JPH3: variants seen among roughly 807,000 people sequenced by gnomAD.
The protein encoded by JPH3 is junctophilin 3.
JPH3 carries 11 observed loss-of-function variants against 59.6 expected under a neutral mutation model. The ratio of observed to expected loss-of-function variants is 0.18; its 90% CI spans 0.12 to 0.31. JPH3 has a LOEUF of 0.31. JPH3 is among the 10% of genes least tolerant of loss of function. The pLI, the probability that JPH3 is intolerant of heterozygous loss-of-function variation, is 1.00. For missense variants in JPH3, 1,202 were observed against 1,105.7 expected (o/e 1.09, Z -1.24); for synonymous variants, 673 against 483.6 (o/e 1.39, Z -5.14).
At chr16:87,696,318 C>T (rs541639569) in intron 4 of JPH3, among the ~76,000 whole-genome samples, 89 of 152,074 alleles carry the variant, frequency 5.9e-4, no homozygotes, top group African/African-American at 2.0e-3. Context: ...CTCAGGGTGT[C>T]GGGGCCACAA....
chr16:87,618,806 C>G (rs1482269238), intron 1 of JPH3, among the ~76,000 whole-genome samples: 2 of 152,078 alleles, frequency 1.3e-5, no homozygotes, highest in African/African-American at 4.8e-5. Flanking sequence ...TGGGTTATTT[C>G]AGGCCGGGCG....
At chr16:87,653,692 C>A (rs1297699255) in intron 2 of JPH3, 2 of 152,166 alleles carry the variant, frequency 1.3e-5, no homozygotes, top group African/African-American at 4.8e-5. Flanking sequence ...CTTAGTGTCC[C>A]CCTAAAGTTC....
At chr16:87,627,882 G>T (rs1165593075) in intron 1 of JPH3, among the ~76,000 whole-genome samples, 2 of 152,218 alleles carry the variant, frequency 1.3e-5, no homozygotes, top group African/African-American at 4.8e-5. Context: ...GCACCCTGCA[G>T]GCCACCCCGC....
In JPH3 at chr16:87,644,617, G is replaced by A; in HGVS notation, c.742G>A (p.Ala248Thr). 1 of 1,612,522 alleles carries A rather than the reference G, an allele frequency of 6.2e-7. No homozygotes were observed. Among genetic ancestry groups the A allele is most frequent in the Non-Finnish European group, 8.5e-7 (1 of 1,179,890 alleles). ...RSKQSSFRSE[A>T]GMSTVSSTAS... is the part of the protein sequence containing the mutation. Reference sequence around the variant, plus strand: ...CAAGCAGAGCTCCTTTCGCAGCGAGGCGGGCATGAGCACCGTCAGCTCCAC... The same window carrying A: ...CAAGCAGAGCTCCTTTCGCAGCGAGACGGGCATGAGCACCGTCAGCTCCAC... The change falls in exon 2 of 5, where the codon GCG becomes ACG. Residue 248 changes from alanine to threonine, a missense_variant. Transcript: ENST00000284262.
chr16:87,688,157 AC>A (rs1437143958), intron 3 of JPH3, among the ~76,000 whole-genome samples: 1 of 151,918 alleles, frequency 6.6e-6, no homozygotes, highest in Non-Finnish European at 1.5e-5. Flanking sequence ...CTGGGGAGTG[AC>A]CACAGAGAAG....
intron 2 of JPH3, among the ~76,000 whole-genome samples, chr16:87,666,562 T>G (rs2032867683): frequency 6.6e-6 from 1 of 152,088 alleles, no homozygotes; most frequent in African/African-American, 2.4e-5. Context: ...TTACTAATTT[T>G]CTTTAAAATT....
At chr16:87,607,851 G>C (rs1362459618) in intron 1 of JPH3, among the ~76,000 whole-genome samples, 2 of 152,384 alleles carry the variant, frequency 1.3e-5, no homozygotes, top group Middle Eastern at 3.4e-3. Context: ...CAAGCCCTGA[G>C]CAGTTGGAGA....
intron 2 of JPH3, among the ~76,000 whole-genome samples, chr16:87,665,953 G>A (rs1415326614): frequency 2.6e-5 from 4 of 152,220 alleles, no homozygotes; most frequent in East Asian, 1.9e-4. Flanking sequence ...CAGCCTGGTC[G>A]CAGCTGGCAC....
Position 87,689,677 on chromosome 16 carries a change from C to T in JPH3, c.1317C>T (p.Thr439=). 2 of 1,612,378 alleles carry T rather than the reference C, an allele frequency of 1.2e-6. No individual in the cohort carries two copies. The highest frequency in any genetic ancestry group is 1.7e-6 in the Non-Finnish European group (2 of 1,179,748). The change falls in exon 4 of 5, where the codon ACC becomes ACT. Residue 439 remains threonine (T), a synonymous_variant. Transcript: ENST00000284262. ...GLEYQRPKRQ[T]SCDDIEVLST... is the part of the protein sequence containing the mutation. ...AGTACCAGAGGCCGAAGCGTCAGAC[C>T]TCCTGTGACGACATCGAGGTGCTGT...
intron 2 of JPH3, among the ~76,000 whole-genome samples, chr16:87,665,870 A>T (rs1367463336): frequency 6.6e-6 from 1 of 152,220 alleles, no homozygotes; most frequent in Non-Finnish European, 1.5e-5. Flanking sequence ...TCCCTGGGAC[A>T]CAGCCCTGTC....
In JPH3 at chr16:87,697,329, CG is replaced by C. The variant is rs1325157402; in HGVS notation, c.*670del. 6.6e-6 allele frequency: 1 copy of C among 152,556 alleles called. No homozygotes were observed. The highest frequency in any genetic ancestry group is 6.5e-5 in the Admixed American group (1 of 15,324). The allele number at this position is 152,556 out of a possible 1,614,324, so 9.5% of individuals were successfully genotyped here. A position where few individuals can be genotyped will look rare whatever the true frequency, so the allele number is the denominator to read the frequency against. The stretch of plus-strand genomic sequence containing the variant: ...TCCATGAGAAGCCGACTCCCCACAC[CG>C]AGTTTTAAAGCAAAGCCCTTTTCTT... On this transcript the variant is annotated 3_prime_UTR_variant, in exon 5 of 5. Coordinates refer to ENST00000284262, the MANE Select transcript of JPH3 (RefSeq NM_020655.4).
At chr16:87,657,472 C>T (rs78726698) in intron 2 of JPH3, among the ~76,000 whole-genome samples, 161 of 152,244 alleles carry the variant, frequency 1.1e-3, no homozygotes, top group East Asian at 6.0e-3. Context: ...GCAAGTGGAC[C>T]GGTGACCGAT....
chr16:87,677,231 A>C (rs4989518), intron 2 of JPH3, among the ~76,000 whole-genome samples: 61,303 of 129,946 alleles, frequency 0.47, 15,003 homozygotes, highest in Middle Eastern at 0.56. Flanking sequence ...CACACAAAAA[A>C]AAAAATTAGC....
At chr16:87,625,098 C>T (rs901322653) in intron 1 of JPH3, among the ~76,000 whole-genome samples, 2 of 152,214 alleles carry the variant, frequency 1.3e-5, no homozygotes, top group African/African-American at 4.8e-5. Flanking sequence ...CTCACCTGGC[C>T]TTATTTTATA....
At chr16:87,649,489 G>A (rs557666077) in intron 2 of JPH3, among the ~76,000 whole-genome samples, 2 of 152,296 alleles carry the variant, frequency 1.3e-5, no homozygotes, top group South Asian at 4.1e-4. Flanking sequence ...CTCAATTGCT[G>A]TCCTTGATCT....
At chr16:87,662,807 G>A (rs189249731) in intron 2 of JPH3, among the ~76,000 whole-genome samples, 1 of 152,350 alleles carries the variant, frequency 6.6e-6, no homozygotes, top group Admixed American at 6.5e-5. Context: ...CTGTCTCCCT[G>A]TGAAATCCAC....
intron 2 of JPH3, among the ~76,000 whole-genome samples, chr16:87,648,805 C>G (rs2032237569): frequency 6.6e-6 from 1 of 152,150 alleles, no homozygotes; most frequent in African/African-American, 2.4e-5. Context: ...CTCCAGGTGC[C>G]TGGAGGGCTT....
intron 2 of JPH3, among the ~76,000 whole-genome samples, chr16:87,652,554 C>T (rs952846049): frequency 7.9e-5 from 12 of 152,272 alleles, no homozygotes; most frequent in Non-Finnish European, 7.3e-5. Flanking sequence ...ACCTTCACGT[C>T]CCGGGCTCAA....
At chr16:87,637,161 C>G (rs1276583184) in intron 1 of JPH3, among the ~76,000 whole-genome samples, 3 of 152,248 alleles carry the variant, frequency 2.0e-5, no homozygotes, top group African/African-American at 7.2e-5. Context: ...CTTCCGCCCC[C>G]TGCTCTGCTA....
Sources: allele counts gnomAD v4.1 joint callset (sites outside exome capture counted in the v4.1 genomes callset), GRCh38; gene constraint gnomAD v4.1.1; transcripts MANE v1.5; gene names NCBI Gene and HGNC (gene_info 2026-07-23, HGNC 2026-07-21).